Variants in ZFAND2A observed in about 807,000 individuals in gnomAD.
The protein encoded by ZFAND2A is AN1-type zinc finger protein 2A.
ZFAND2A carries 20 observed loss-of-function variants against 11.6 expected under a neutral mutation model. That is an observed-to-expected ratio of 1.72 (90% confidence interval 1.21 to 2.50). The LOEUF is 2.50. Among genes scored for constraint, ZFAND2A ranks in the 30% most tolerant of loss-of-function variants. The pLI, the probability that ZFAND2A is intolerant of heterozygous loss-of-function variation, is 0.00. For missense variants in ZFAND2A, 234 were observed against 182.9 expected (o/e 1.28, Z -1.61); for synonymous variants, 93 against 60.6 (o/e 1.54, Z -2.48).
At chr7:1,155,317 A>G in intron 4 of ZFAND2A, 136 bp downstream of exon 4, 1 of 1,258,478 alleles carries the variant, frequency 7.9e-7, no homozygotes, top group Non-Finnish European at 1.1e-6. Context: ...TAGGACAGGG[A>G]TAACGCAGCG....
rs1168742858 is a variant in ZFAND2A, at chr7:1,160,028, T to A, written c.-110A>T. ...CAGATGGAAGAGACGTAAACTCAGGTGTCCTCCTCCGTAGTCGGCTCCGGG... is the reference window on the plus strand; with the variant it reads ...CAGATGGAAGAGACGTAAACTCAGGAGTCCTCCTCCGTAGTCGGCTCCGGG... On this transcript the variant is annotated 5_prime_UTR_variant, in exon 1 of 5. Coordinates refer to ENST00000316495, the MANE Select transcript of ZFAND2A (RefSeq NM_182491.4). The A allele has an allele frequency of 6.5e-6, 1 of 154,272 alleles. No homozygotes were observed. Among genetic ancestry groups the A allele is most frequent in the African/African-American group, 2.4e-5 (1 of 41,444 alleles). The allele number at this position is 154,272 out of a possible 1,614,324, so 9.6% of individuals were successfully genotyped here.
intron 2 of ZFAND2A, 58 bp downstream of exon 2, chr7:1,158,100 C>T (rs28685743): frequency 0.16 from 237,073 of 1,522,700 alleles, 19,625 homozygotes; most frequent in Middle Eastern, 0.25. Context: ...ATTAACAGAA[C>T]AGCCAGCTTT....
intron 4 of ZFAND2A, among the ~76,000 whole-genome samples, chr7:1,153,682 C>T (rs1453131739): frequency 1.3e-5 from 2 of 152,318 alleles, no homozygotes; most frequent in Non-Finnish European, 2.9e-5. Context: ...CAGTGGCTCA[C>T]GCCTGTCATC....
intron 3 of ZFAND2A, 53 bp from the exon 4 acceptor site, chr7:1,155,637 CAGA>C (rs1793508701): frequency 1.3e-5 from 20 of 1,594,802 alleles, no homozygotes; most frequent in Non-Finnish European, 1.5e-5. Context: ...CTTAAACTCA[CAGA>C]AGTTTTAAAC....
rs902406269 is a variant in ZFAND2A, at chr7:1,158,980, C to T, written c.-45-723G>A. ...CTGACCTTCCCATCAGCTCTCTCCC[C>T]ACTCCTGGAGGCCTCCTAGACTGTC... On this transcript the variant is annotated intron_variant, in intron 1 of 4. Coordinates refer to ENST00000316495, the MANE Select transcript of ZFAND2A (RefSeq NM_182491.4). 5.3e-5 allele frequency among the ~76,000 whole-genome samples: 8 copies of T among 152,286 alleles called. No homozygotes were observed. In the East Asian group the frequency reaches 1.5e-3, roughly 29 times the overall value.
At chr7:1,157,830 C>CA (rs1562347361) in intron 2 of ZFAND2A, 80 bp from the exon 3 acceptor site, 22 of 1,145,058 alleles carry the variant, frequency 1.9e-5, no homozygotes, top group Non-Finnish European at 2.6e-5. Context: ...TGTTTACCTA[C>CA]ACTAAGTGTT....
downstream of ZFAND2A, among the ~76,000 whole-genome samples, chr7:1,151,776 C>CAAAAAAAAAAAAAAAAAAAAA (rs1563158643): frequency 8.4e-4 from 44 of 52,586 alleles, no homozygotes; most frequent in South Asian, 1.4e-3. Context: ...AAAAAAAAAG[C>CAAAAAAAAAAAAAAAAAAAAA]AAAGCCAGCC....
chr7:1,151,483 C>T (rs1343543000), downstream of ZFAND2A, among the ~76,000 whole-genome samples: 1 of 151,972 alleles, frequency 6.6e-6, no homozygotes, highest in Non-Finnish European at 1.5e-5. Context: ...TTAGGTGATC[C>T]ACCCACCTTG....
intron 4 of ZFAND2A, 93 bp from the exon 5 acceptor site, chr7:1,153,317 G>T: frequency 7.1e-7 from 1 of 1,400,360 alleles, no homozygotes; most frequent in Non-Finnish European, 9.7e-7. Flanking sequence ...GCTTGATCTT[G>T]GCTCACTGCA....
intron 3 of ZFAND2A, 47 bp downstream of exon 3, chr7:1,157,609 G>A (rs758406336): frequency 1.3e-6 from 2 of 1,533,266 alleles, no homozygotes; most frequent in Admixed American, 2.1e-5. Context: ...AGACAGTGCA[G>A]CTTCAGACGG....
At chr7:1,149,677 C>G (rs1160676764), downstream of ZFAND2A, among the ~76,000 whole-genome samples, 1 of 152,214 alleles carries the variant, frequency 6.6e-6, no homozygotes, top group Non-Finnish European at 1.5e-5. Flanking sequence ...AGGGCATAGC[C>G]TGTGGCTCCC....
At chr7:1,149,066 G>A (rs1793351412), downstream of ZFAND2A, among the ~76,000 whole-genome samples, 1 of 151,994 alleles carries the variant, frequency 6.6e-6, no homozygotes, top group Non-Finnish European at 1.5e-5. Context: ...CCAAGGTACT[G>A]CGATTACGGG....
chr7:1,155,414 CT>C (rs1793498809), intron 4 of ZFAND2A, 38 bp downstream of exon 4: 1 of 1,596,820 alleles, frequency 6.3e-7, no homozygotes, highest in African/African-American at 1.4e-5. Context: ...AAAAACCAGG[CT>C]TCCCAGATGA....
chr7:1,151,762 T>TTTAAAAAAAAAA (rs1554344524), downstream of ZFAND2A, among the ~76,000 whole-genome samples: 3 of 87,180 alleles, frequency 3.4e-5, no homozygotes, highest in East Asian at 4.9e-4. Context: ...TCATCCCTTT[T>TTTAAAAAAAAAA]AAAAAAAAAA....
intron 3 of ZFAND2A, 162 bp downstream of exon 3, chr7:1,157,494 T>C (rs1793556274): frequency 1.5e-6 from 1 of 646,158 alleles, no homozygotes; most frequent in Non-Finnish European, 2.6e-6. Flanking sequence ...CTGTACTGCC[T>C]AACAGCAGGC....
At chr7:1,159,228 A>G (rs1793613189) in intron 1 of ZFAND2A, among the ~76,000 whole-genome samples, 1 of 152,128 alleles carries the variant, frequency 6.6e-6, no homozygotes, top group Non-Finnish European at 1.5e-5. Flanking sequence ...GCGTTCCGAA[A>G]TTGTTTTGTT....
rs1584029994 is a variant in ZFAND2A at position 1,157,757 on chromosome 7, A to C, written c.56-7T>G. 2 of 1,544,522 alleles carry C rather than the reference A, an allele frequency of 1.3e-6. No homozygotes were observed. The highest frequency in any genetic ancestry group is 1.7e-6 in the Non-Finnish European group (2 of 1,148,704). On this transcript the variant is annotated splice_region_variant and splice_polypyrimidine_tract_variant and intron_variant, in intron 2 of 4. Coordinates refer to ENST00000316495, the MANE Select transcript of ZFAND2A (RefSeq NM_182491.4). ...CATTTTACTGGAAGAAAATCTAAAA[A>C]ACAAAAAACAGGGAAGTGTTTTAAC...
chr7:1,154,075 G>C (rs540109721), intron 4 of ZFAND2A, among the ~76,000 whole-genome samples: 62 of 152,264 alleles, frequency 4.1e-4, no homozygotes, highest in African/African-American at 1.5e-3. Context: ...AGGAGGCCAA[G>C]CACAGATGAC....
chr7:1,153,726 C>A (rs971358295), intron 4 of ZFAND2A, among the ~76,000 whole-genome samples: 13 of 152,146 alleles, frequency 8.5e-5, no homozygotes, highest in East Asian at 1.9e-4. Flanking sequence ...GGGTGGATTG[C>A]CTGAGCTCAG....
Sources: allele counts gnomAD v4.1 joint callset (sites outside exome capture counted in the v4.1 genomes callset), GRCh38; gene constraint gnomAD v4.1.1; transcripts MANE v1.5; gene names NCBI Gene and HGNC (gene_info 2026-07-23, HGNC 2026-07-21).